The following SEC14L5 variants were observed in gnomAD, a reference collection of about 807,000 sequenced individuals.
SEC14L5 encodes the protein SEC14 like lipid binding 5.
A neutral mutation model predicts 84.6 loss-of-function variants in SEC14L5; 96 were observed. That is an observed-to-expected ratio of 1.13 (90% confidence interval 0.96 to 1.34). The LOEUF (loss-of-function observed/expected upper bound fraction) is 1.34. Ranked by LOEUF, SEC14L5 falls within the 40% of genes most tolerant of loss-of-function variation. The pLI is 0.00. For missense variants in SEC14L5, 1,224 were observed against 942.5 expected (o/e 1.30, Z -3.91); for synonymous variants, 546 against 383.4 (o/e 1.42, Z -4.95).
intron 2 of SEC14L5, among the ~76,000 whole-genome samples, chr16:4,981,494 G>A (rs797020906): frequency 1.3e-5 from 2 of 152,074 alleles, no homozygotes; most frequent in East Asian, 3.9e-4. Context: ...GTAGAAGGAA[G>A]GGGAGAAGGT....
In SEC14L5 at chr16:5,011,234, T is replaced by G; in HGVS notation, c.1940T>G (p.Leu647Arg). The change falls in exon 15 of 16, where the codon CTT becomes CGT. Residue 647 changes from leucine to arginine, a missense_variant. Physicochemically the swap from Leu to Arg is moderately radical, Grantham distance 102. Coordinates refer to ENST00000251170, the MANE Select transcript of SEC14L5 (RefSeq NM_014692.2). ...CACAGCCCCGGGCCCAAGTGCAAAC[T>G]TCTCTACTACTGTGAGGTGCTCGCC... ...ALHSPGPKCK[L>R]LYYCEVLASE... is the part of the protein sequence containing the mutation. 1 of 1,613,842 alleles carries G rather than the reference T, an allele frequency of 6.2e-7. No homozygotes were observed. Among genetic ancestry groups the G allele is most frequent in the South Asian group, 1.1e-5 (1 of 91,076 alleles).
At chr16:4,963,643 G>T (rs1472128602) in intron 2 of SEC14L5, among the ~76,000 whole-genome samples, 1 of 150,790 alleles carries the variant, frequency 6.6e-6, no homozygotes, top group East Asian at 2.2e-4. Flanking sequence ...ACTGGGCCCA[G>T]GCTTTTGCTC....
intron 12 of SEC14L5, 56 bp from the exon 13 acceptor site, chr16:5,007,296 A>G: frequency 6.4e-7 from 1 of 1,569,482 alleles, no homozygotes; most frequent in East Asian, 2.3e-5. Flanking sequence ...TCTGTGGGTC[A>G]GGCCAGCCAG....
rs1430711583 is a variant in SEC14L5 at position 5,003,418 on chromosome 16, C to G, written c.1147C>G (p.Leu383Val). Reference protein sequence around the residue: ...GRPISSWTCLLDLEGLNMRHL... With the variant: ...GRPISSWTCLVDLEGLNMRHL... The stretch of plus-strand genomic sequence containing the variant: ...CTGCCACAGCTCCTGGACCTGCCTG[C>G]TAGACCTGGAGGGACTCAACATGCG... Residue 383 changes from leucine to valine, a missense_variant, in exon 11 of 16, where the codon CTA becomes GTA. Physicochemically the swap from Leu to Val is conservative, Grantham distance 32. Coordinates refer to ENST00000251170, the MANE Select transcript of SEC14L5 (RefSeq NM_014692.2). 2 of 1,613,082 alleles carry G rather than the reference C, an allele frequency of 1.2e-6. No homozygotes were observed. The highest frequency in any genetic ancestry group is 1.3e-5 in the African/African-American group (1 of 75,028).
In SEC14L5 at chr16:4,990,772, C is replaced by T. The variant is rs892461179; in HGVS notation, c.351C>T (p.His117=). ...GACCCCTGCCTGGCTTTCAGGTCCA[C>T]CCTGAGAATGAAGACTGGACTTGCT... is the stretch of plus-strand genomic sequence containing the variant. ...VVNEHCSYTV[H]PENEDWTCFE... The change falls in exon 5 of 16, where the codon CAC becomes CAT. Residue 117 remains histidine (H), a synonymous_variant. Transcript: ENST00000251170. The T allele has an allele frequency of 1.9e-6, 3 of 1,607,624 alleles. No homozygotes were observed. The highest frequency in any genetic ancestry group is 2.3e-5 in the East Asian group (1 of 44,222).
intron 2 of SEC14L5, among the ~76,000 whole-genome samples, chr16:4,977,470 GGAA>G (rs372461857): frequency 3.8e-3 from 60 of 15,880 alleles, no homozygotes; most frequent in South Asian, 0.011. Flanking sequence ...AAAAAAAAAA[GGAA>G]AAAAAAAGAA....
At chr16:5,014,819 A>C in intron 15 of SEC14L5, 40 bp from the exon 16 acceptor site, 4 of 1,506,806 alleles carry the variant, frequency 2.7e-6, no homozygotes, top group Non-Finnish European at 3.7e-6. Flanking sequence ...GGGCCTTGTC[A>C]CTGTGAGAGG....
chr16:4,990,678 G>C, intron 4 of SEC14L5, 89 bp from the exon 5 acceptor site: 1 of 1,333,400 alleles, frequency 7.5e-7, no homozygotes, highest in Non-Finnish European at 1.0e-6. Flanking sequence ...TGCAGGCTCT[G>C]CCTGGGCCCA....
rs34483309 is a variant in SEC14L5 at position 4,965,660 on chromosome 16, CAAAAAAAAAAAA to C, written c.63+6292_63+6303del. 9.4e-5 allele frequency among the ~76,000 whole-genome samples: 5 copies of C among 53,108 alleles called. 1 individual carries two copies. Among genetic ancestry groups the C allele is most frequent in the South Asian group, 1.4e-3 (1 of 698 alleles). The allele number at this position is 53,108 out of a possible 152,430, so 34.8% of individuals were successfully genotyped here. On this transcript the variant is annotated intron_variant, in intron 2 of 15. Transcript: ENST00000251170. ...TGGGCAAAAGAGCAAGACTCCATCT[CAAAAAAAAAAAA>C]AAAAAAAAAAAAAAAAAGAAATCTC...
chr16:4,992,856 A>G (rs950053094), intron 6 of SEC14L5, among the ~76,000 whole-genome samples: 1 of 152,172 alleles, frequency 6.6e-6, no homozygotes, highest in African/African-American at 2.4e-5. Flanking sequence ...CCACACACAT[A>G]TGTGTGTACA....
At chr16:5,000,588 G>C (rs890951222) in intron 8 of SEC14L5, 67 bp from the exon 9 acceptor site, 1 of 1,249,744 alleles carries the variant, frequency 8.0e-7, no homozygotes, top group Admixed American at 2.0e-5. Flanking sequence ...CTGCAGCTGT[G>C]ACCTGCCCCT....
At chr16:4,983,953 G>T (rs563690821) in intron 2 of SEC14L5, among the ~76,000 whole-genome samples, 1 of 152,180 alleles carries the variant, frequency 6.6e-6, no homozygotes, top group East Asian at 1.9e-4. Context: ...ATGTGTGTAT[G>T]TGTACATATA....
intron 2 of SEC14L5, among the ~76,000 whole-genome samples, chr16:4,980,976 C>G (rs2142495013): frequency 6.6e-6 from 1 of 152,052 alleles, no homozygotes; most frequent in African/African-American, 2.4e-5. Context: ...ATGTATTGTT[C>G]TAAACGCAGC....
intron 2 of SEC14L5, among the ~76,000 whole-genome samples, chr16:4,965,487 G>C (rs915616776): frequency 2.1e-4 from 32 of 150,582 alleles, no homozygotes; most frequent in African/African-American, 6.6e-4. Context: ...CGGTGAAACC[G>C]CGTCTCTACT....
At position 5,016,196 on chromosome 16, in the gene SEC14L5, A is replaced by T. The variant is rs563571712; in HGVS notation, c.*1226A>T. 1.2e-4 allele frequency: 18 copies of T among 152,132 alleles called. No individual in the cohort carries two copies. Among genetic ancestry groups the T allele is most frequent in the Non-Finnish European group, 2.5e-4 (17 of 68,036 alleles). The allele number at this position is 152,132 out of a possible 1,614,324, so 9.4% of individuals were successfully genotyped here. A position where few individuals can be genotyped will look rare whatever the true frequency, so the allele number is the denominator to read the frequency against. ...CTGGGGCAGATATGACTCTGGAACT[A>T]GGTTCAATATTGACATGAGTTCCCC... On this transcript the variant is annotated 3_prime_UTR_variant, in exon 16 of 16. Coordinates refer to ENST00000251170, the MANE Select transcript of SEC14L5 (RefSeq NM_014692.2).
intron 2 of SEC14L5, among the ~76,000 whole-genome samples, chr16:4,971,155 T>C (rs1955273915): frequency 6.6e-6 from 1 of 151,096 alleles, no homozygotes; most frequent in South Asian, 2.1e-4. Flanking sequence ...TTAGGGAACT[T>C]GTTAAAAACA....
intron 2 of SEC14L5, among the ~76,000 whole-genome samples, chr16:4,968,526 T>C (rs567227349): frequency 6.6e-6 from 1 of 152,328 alleles, no homozygotes; most frequent in Non-Finnish European, 1.5e-5. Flanking sequence ...GAGCTCTCCC[T>C]ATGTTGCCCA....
At chr16:4,990,169 A>AT (rs111938764) in intron 4 of SEC14L5, among the ~76,000 whole-genome samples, 19 of 149,810 alleles carry the variant, frequency 1.3e-4, no homozygotes, top group South Asian at 1.1e-3. Flanking sequence ...TTATTTTATT[A>AT]TTTTTTTTTT....
chr16:5,015,039 C>T lies in SEC14L5; in HGVS notation c.*69C>T. On this transcript the variant is annotated 3_prime_UTR_variant, in exon 16 of 16. Transcript: ENST00000251170. ...AGAAATGTCCAGAATGAGAAGCCAG[C>T]TAACTGCAGGGCCTGGGACCATGTG... The T allele has an allele frequency of 8.0e-7, 1 of 1,257,840 alleles. No individual in the cohort carries two copies. Among genetic ancestry groups the T allele is most frequent in the South Asian group, 1.2e-5 (1 of 80,904 alleles). 77.9% of individuals were successfully genotyped at this position (1,257,840 alleles called of 1,614,324 possible).
Sources: allele counts gnomAD v4.1 joint callset (sites outside exome capture counted in the v4.1 genomes callset), GRCh38; gene constraint gnomAD v4.1.1; transcripts MANE v1.5; gene names NCBI Gene and HGNC (gene_info 2026-07-23, HGNC 2026-07-21).